The following SELE variants were observed in gnomAD, a reference collection of about 807,000 sequenced individuals.
SELE encodes the protein selectin E.
Under a neutral mutation model 75.8 loss-of-function variants are expected in SELE, and 52 were observed. The observed-to-expected ratio is 0.69, with a 90% CI of 0.55 to 0.86. SELE has a LOEUF of 0.86. Ranked by LOEUF, SELE falls within the 40% of genes least tolerant of loss-of-function variation. SELE has a pLI of 0.00. For missense variants in SELE, 754 were observed against 732.7 expected (o/e 1.03, Z -0.34); for synonymous variants, 285 against 258.7 (o/e 1.10, Z -0.98).
At chr1:169,728,387 G>T in intron 7 of SELE, 141 bp from the exon 8 acceptor site, 2 of 780,994 alleles carry the variant, frequency 2.6e-6, no homozygotes, top group Non-Finnish European at 3.9e-6. Flanking sequence ...TGGGAAGATG[G>T]CTGTGTTTTC....
rs746776107 is a variant in SELE at position 169,727,486 on chromosome 1, T to A, written c.1508A>T (p.Asn503Ile). ...CSSLAVPGKINMSCSGEPVFG... is the reference protein window; with the variant it reads ...CSSLAVPGKIIMSCSGEPVFG... ...CACGGGCTCCCCACTGCAGCTCATG[T>A]TGATCTTTCCCGGAACTGCCAGGCT... The change falls in exon 10 of 14, where the codon AAC becomes ATC. Residue 503 changes from asparagine (N) to isoleucine (I), a missense_variant. Coordinates refer to ENST00000333360, the MANE Select transcript of SELE (RefSeq NM_000450.2). 6.2e-7 allele frequency: 1 copy of A among 1,614,156 alleles called. No individual in the cohort carries two copies. The highest frequency in any genetic ancestry group is 2.2e-5 in the East Asian group (1 of 44,878).
At position 169,729,288 on chromosome 1, in the gene SELE, A is replaced by G; in HGVS notation, c.988T>C (p.Ser330Pro). 6.2e-7 allele frequency: 1 copy of G among 1,614,126 alleles called. No homozygotes were observed. Among genetic ancestry groups the G allele is most frequent in the Non-Finnish European group, 8.5e-7 (1 of 1,180,002 alleles). The change falls in exon 7 of 14, where the codon TCC becomes CCC. Residue 330 changes from serine (S) to proline (P), a missense_variant. Transcript: ENST00000333360. ...CCTTCCTCACAGGTGAAGTTGCAGG[A>G]TGATTTGAAGGTGAACTCTCCAGCA... ...SPAGEFTFKSSCNFTCEEGFM... is the reference protein window; with the variant it reads ...SPAGEFTFKSPCNFTCEEGFM...
chr1:169,731,960 C>T lies in SELE; in HGVS notation c.422-18G>A. On this transcript the variant is annotated intron_variant, in intron 3 of 13. Transcript: ENST00000333360. ...ACAGGCAGCTACGGAAAATACAAAG[C>T]ATGATGAGGAGGACTATTACTGTGC... is the stretch of plus-strand genomic sequence containing the variant. The T allele has an allele frequency of 6.5e-7, 1 of 1,529,044 alleles. No homozygotes were observed. The allele number at this position is 1,529,044 out of a possible 1,614,324, so 94.7% of individuals were successfully genotyped here.
At chr1:169,732,381 T>C (rs189669711) in intron 3 of SELE, among the ~76,000 whole-genome samples, 71 of 149,694 alleles carry the variant, frequency 4.7e-4, no homozygotes, top group Non-Finnish European at 6.4e-4. Flanking sequence ...TATATATATA[T>C]ACACACACAC....
At position 169,729,783 on chromosome 1, in the gene SELE, AAAGTCCTATGTC is replaced by A. The variant is rs1648864206; in HGVS notation, c.716-122_716-111del. The A allele has an allele frequency of 1.4e-5, 13 of 902,980 alleles. No individual in the cohort carries two copies. In the South Asian group the frequency reaches 2.1e-4, roughly 15 times the overall value. The allele number at this position is 902,980 out of a possible 1,614,324, so 55.9% of individuals were successfully genotyped here. Reference sequence around the variant, plus strand: ...AAGCTGCCTTCAAAGGGTAGATCCCAAAGTCCTATGTCAATTCTTAGGGACATGCACAGCCAG... The same window carrying A: ...AAGCTGCCTTCAAAGGGTAGATCCCAAATTCTTAGGGACATGCACAGCCAG... On this transcript the variant is annotated intron_variant, in intron 5 of 13. Transcript: ENST00000333360.
Position 169,727,865 on chromosome 1 carries a change from T to A in SELE, c.1342A>T (p.Ile448Phe), listed in dbSNP as rs748308865. The A allele has an allele frequency of 3.1e-6, 5 of 1,614,094 alleles. No individual in the cohort carries two copies. In the South Asian group the frequency reaches 5.5e-5, roughly 18 times the overall value. Residue 448 changes from isoleucine to phenylalanine, a missense_variant, in exon 9 of 14, where the codon ATT becomes TTT. By Grantham distance (21) the Ile-to-Phe change is conservative. Coordinates refer to ENST00000333360, the MANE Select transcript of SELE (RefSeq NM_000450.2). ...GAGGACTTGTAGGTGAATTCTCCAA[T>A]AGGGGAATGAGCACACCTCACCAAA... ...KGLVRCAHSP[I>F]GEFTYKSSCA...
chr1:169,729,426 A>G (rs1447104538), intron 6 of SELE, 52 bp from the exon 7 acceptor site: 1 of 1,608,320 alleles, frequency 6.2e-7, no homozygotes, highest in African/African-American at 1.3e-5. Flanking sequence ...TAGCTTGCCC[A>G]TTTCCAGTAT....
At chr1:169,730,204 T>A (rs534451386) in intron 5 of SELE, among the ~76,000 whole-genome samples, 42 of 152,046 alleles carry the variant, frequency 2.8e-4, no homozygotes, top group African/African-American at 9.9e-4. Context: ...CCCTTACAAA[T>A]CACCAGAGCC....
Position 169,728,133 on chromosome 1 carries a change from A to G in SELE, c.1204T>C (p.Phe402Leu), listed in dbSNP as rs1347295651. ...AGCCTTTTGGATCCCTTCAACACAA[A>G]ACCCTGCTCACAGGAGAACTCACAG... ...SSCEFSCEQG[F>L]VLKGSKRLQC... The change falls in exon 8 of 14, where the codon TTT becomes CTT. Residue 402 changes from phenylalanine to leucine, a missense_variant. By Grantham distance (22) the Phe-to-Leu change is conservative. Transcript: ENST00000333360. 1 of 1,614,170 alleles carries G rather than the reference A, an allele frequency of 6.2e-7. No homozygotes were observed. Among genetic ancestry groups the G allele is most frequent in the South Asian group, 1.1e-5 (1 of 91,084 alleles).
At position 169,729,554 on chromosome 1, in the gene SELE, T is replaced by C. The variant is rs908577918; in HGVS notation, c.835A>G (p.Met279Val). Residue 279 changes from methionine (M) to valine (V), a missense_variant, in exon 6 of 14, where the codon ATG (methionine) becomes GTG (valine). By Grantham distance (21) the Met-to-Val change is conservative. Transcript: ENST00000333360. ...TFDCEEGFEL[M>V]GAQSLQCTSS... is the part of the protein sequence containing the mutation. ...GTACACTGAAGGCTCTGGGCTCCCA[T>C]TAGTTCAAATCCTTCTTCACAGTCA... 6.8e-6 allele frequency: 11 copies of C among 1,614,186 alleles called. No homozygotes were observed. Among genetic ancestry groups the C allele is most frequent in the Non-Finnish European group, 9.3e-6 (11 of 1,180,020 alleles).
Position 169,733,700 on chromosome 1 carries a change from C to T in SELE, c.-48-40G>A, listed in dbSNP as rs545189881. ...CACAAAATGAATTAAAGAAGGAAAT[C>T]GTGGGTAGCTAGTTACATTATTCTA... On this transcript the variant is annotated intron_variant, in intron 1 of 13. Coordinates refer to ENST00000333360, the MANE Select transcript of SELE (RefSeq NM_000450.2). The T allele has an allele frequency of 9.0e-6, 12 of 1,327,494 alleles. No homozygotes were observed. The Middle Eastern group carries it at 1.1e-3, about 121-fold the overall frequency. 82.2% of individuals were successfully genotyped at this position (1,327,494 alleles called of 1,614,324 possible).
At position 169,727,508 on chromosome 1, in the gene SELE, G is replaced by A. The variant is rs1209672354; in HGVS notation, c.1486C>T (p.Leu496=). ...ATGTTGATCTTTCCCGGAACTGCCA[G>A]GCTTGAACATTTTACCACTGCAAAT... is the stretch of plus-strand genomic sequence containing the variant. ...PSCQVVKCSS[L]AVPGKINMSC... is the part of the protein sequence containing the mutation. The change falls in exon 10 of 14, where the codon CTG becomes TTG. Residue 496 remains leucine (L), a synonymous_variant. Transcript: ENST00000333360. 1 of 1,613,644 alleles carries A rather than the reference G, an allele frequency of 6.2e-7. No individual in the cohort carries two copies. Among genetic ancestry groups the A allele is most frequent in the Non-Finnish European group, 8.5e-7 (1 of 1,179,884 alleles).
Position 169,732,751 on chromosome 1 carries a change from C to A in SELE, c.285G>T (p.Lys95Asn), listed in dbSNP as rs138495022. 120 of 1,614,156 alleles carry A rather than the reference C, an allele frequency of 7.4e-5. No homozygotes were observed. The African/African-American group carries it at 1.4e-3, about 19-fold the overall frequency. Reference protein sequence around the residue: ...GTQKPLTEEAKNWAPGEPNNR... With the variant: ...GTQKPLTEEANNWAPGEPNNR... ...TGTTGGGTTCACCTGGAGCCCAGTT[C>A]TTGGCTTCTTCTGTCAGAGGTTTCT... Residue 95 changes from lysine (K) to asparagine (N), a missense_variant, in exon 3 of 14, where the codon AAG (lysine) becomes AAT (asparagine). Transcript: ENST00000333360.
Position 169,733,972 on chromosome 1 carries a change from G to A in SELE, c.-50C>T, listed in dbSNP as rs528973434. ...CCTTATAAAGCGTTCTGCACTTACCGTTTTGGGAAGCAGTTGTTCAAACAC... is the reference window on the plus strand; with the variant it reads ...CCTTATAAAGCGTTCTGCACTTACCATTTTGGGAAGCAGTTGTTCAAACAC... On this transcript the variant is annotated splice_region_variant and 5_prime_UTR_variant, in exon 1 of 14. It adds an upstream start codon to the 5' untranslated region. Coordinates refer to ENST00000333360, the MANE Select transcript of SELE (RefSeq NM_000450.2). 12 of 229,060 alleles carry A rather than the reference G, an allele frequency of 5.2e-5. No homozygotes were observed. The highest frequency in any genetic ancestry group is 9.2e-5 in the African/African-American group (4 of 43,562). The allele number at this position is 229,060 out of a possible 1,614,324, so 14.2% of individuals were successfully genotyped here. A position where few individuals can be genotyped will look rare whatever the true frequency, so the allele number is the denominator to read the frequency against.
At chr1:169,730,843 A>G (rs1261720469) in intron 4 of SELE, among the ~76,000 whole-genome samples, 1 of 152,214 alleles carries the variant, frequency 6.6e-6, no homozygotes, top group African/African-American at 2.4e-5. Context: ...ACCATAAAAA[A>G]GAAATATTGA....
intron 10 of SELE, among the ~76,000 whole-genome samples, chr1:169,727,034 G>A (rs996713895): frequency 1.5e-4 from 23 of 152,140 alleles, no homozygotes; most frequent in African/African-American, 4.3e-4. Flanking sequence ...TGCCAAGCTC[G>A]TTCACAATAC....
intron 10 of SELE, 75 bp from the exon 11 acceptor site, chr1:169,726,881 CT>C: frequency 5.9e-6 from 6 of 1,018,592 alleles, no homozygotes; most frequent in South Asian, 1.4e-5. Flanking sequence ...TCCCTTTGGC[CT>C]TTTTTCTGTA....
chr1:169,726,643 G>A, intron 11 of SELE, 56 bp downstream of exon 11: 4 of 1,195,220 alleles, frequency 3.3e-6, no homozygotes, highest in Non-Finnish European at 4.9e-6. Context: ...ACTTATCAAT[G>A]AGAAAGAAAT....
chr1:169,726,037 C>A, intron 11 of SELE, 109 bp from the exon 12 acceptor site: 1 of 1,217,144 alleles, frequency 8.2e-7, no homozygotes. Flanking sequence ...AAACTCGATG[C>A]TTCAGGGCCT....
Sources: allele counts gnomAD v4.1 joint callset (sites outside exome capture counted in the v4.1 genomes callset), GRCh38; gene constraint gnomAD v4.1.1; transcripts MANE v1.5; gene names NCBI Gene and HGNC (gene_info 2026-07-23, HGNC 2026-07-21).